Variants in THSD7B observed in about 807,000 individuals in gnomAD.
THSD7B encodes the protein thrombospondin type 1 domain containing 7B.
Under a neutral mutation model 213.6 loss-of-function variants are expected in THSD7B, and 138 were observed. The ratio of observed to expected loss-of-function variants is 0.65; its 90% CI spans 0.56 to 0.74. The LOEUF (loss-of-function observed/expected upper bound fraction) is 0.74. Among genes scored for constraint, THSD7B ranks in the 30% least tolerant of loss-of-function variants. The pLI is 0.00. For missense variants in THSD7B, 1,931 were observed against 1,991.5 expected, an observed-to-expected ratio of 0.97 and a Z score of 0.58; for synonymous variants, 742 against 687.0, an observed-to-expected ratio of 1.08 and a Z score of -1.25.
chr2:137,533,256 C>T (rs1680433462), intron 15 of THSD7B, among the ~76,000 whole-genome samples: 2 of 151,744 alleles, frequency 1.3e-5, no homozygotes, highest in Admixed American at 6.6e-5. Flanking sequence ...TTCCAGTTCT[C>T]TATAACGTGC....
intron 10 of THSD7B, among the ~76,000 whole-genome samples, chr2:137,265,674 C>T (rs1372212624): frequency 6.6e-6 from 1 of 152,160 alleles, no homozygotes; most frequent in African/African-American, 2.4e-5. Flanking sequence ...GCAGTGCAGT[C>T]CGTCTACCTT....
At chr2:136,909,704 T>A (rs540789759) in intron 2 of THSD7B, among the ~76,000 whole-genome samples, 1 of 152,340 alleles carries the variant, frequency 6.6e-6, no homozygotes, top group East Asian at 1.9e-4. Flanking sequence ...AATGAGGTTG[T>A]TAATCGAGGG....
intron 12 of THSD7B, among the ~76,000 whole-genome samples, chr2:137,318,132 C>T (rs760333991): frequency 4.6e-5 from 7 of 152,140 alleles, no homozygotes; most frequent in Non-Finnish European, 7.4e-5. Context: ...GACCTACTTT[C>T]GCACATAATT....
Position 137,364,893 on chromosome 2 carries a change from T to C in THSD7B, c.2501-40720T>C, listed in dbSNP as rs560022450. 2.0e-5 allele frequency among the ~76,000 whole-genome samples: 3 copies of C among 152,308 alleles called. No homozygotes were observed. In the South Asian group the frequency reaches 6.2e-4, roughly 32 times the overall value. On this transcript the variant is annotated intron_variant, in intron 12 of 27. Coordinates refer to ENST00000409968, the MANE Select transcript of THSD7B (RefSeq NM_001316349.2). ...TTCACAAAATTGGAAAAAACTACTT[T>C]AAAGTTCACATGGAACCAAAAAACA...
chr2:136,961,344 C>A (rs1685215372), intron 2 of THSD7B, among the ~76,000 whole-genome samples: 1 of 150,974 alleles, frequency 6.6e-6, no homozygotes, highest in Non-Finnish European at 1.5e-5. Context: ...CCTCAGCCTC[C>A]CGAGTAGCTG....
At position 137,094,949 on chromosome 2, in the gene THSD7B, T is replaced by A; in HGVS notation, c.1027T>A (p.Ser343Thr). The change falls in exon 4 of 28, where the codon TCC becomes ACC. Residue 343 changes from serine (S) to threonine (T), a missense_variant. Ser to Thr is a moderately conservative substitution (Grantham distance 58). Coordinates refer to ENST00000409968, the MANE Select transcript of THSD7B (RefSeq NM_001316349.2). Reference protein sequence around the residue: ...MPKDCETSQWSSWSPCSKTCR... With the variant: ...MPKDCETSQWTSWSPCSKTCR... ...CAAAGACTGTGAAACCTCCCAGTGGTCCTCCTGGAGCCCCTGCTCCAAGAC... is the reference window on the plus strand; with the variant it reads ...CAAAGACTGTGAAACCTCCCAGTGGACCTCCTGGAGCCCCTGCTCCAAGAC... 6.2e-7 allele frequency: 1 copy of A among 1,613,878 alleles called. No homozygotes were observed. The highest frequency in any genetic ancestry group is 8.5e-7 in the Non-Finnish European group (1 of 1,179,844).
At chr2:137,201,294 C>T (rs10153866) in intron 7 of THSD7B, among the ~76,000 whole-genome samples, 90,256 of 151,962 alleles carry the variant, frequency 0.59, 27,208 homozygotes, top group South Asian at 0.71. Context: ...TGTGTGCACA[C>T]GCACCACATT....
At chr2:137,028,423 T>C (rs1686594447) in intron 2 of THSD7B, among the ~76,000 whole-genome samples, 2 of 152,208 alleles carry the variant, frequency 1.3e-5, no homozygotes, top group Admixed American at 6.5e-5. Context: ...CTTAATAAAA[T>C]ATGTCACTTA....
intron 17 of THSD7B, among the ~76,000 whole-genome samples, chr2:137,593,675 G>A (rs1215854913): frequency 4.0e-5 from 6 of 151,778 alleles, no homozygotes; most frequent in Non-Finnish European, 8.8e-5. Flanking sequence ...GATGTAAGTC[G>A]TCTGTCAGAT....
intron 12 of THSD7B, among the ~76,000 whole-genome samples, chr2:137,289,185 G>A (rs1027252368): frequency 2.2e-4 from 34 of 151,790 alleles, no homozygotes; most frequent in African/African-American, 7.3e-4. Context: ...TTTAAAGTAA[G>A]TGAGTGGAAA....
At chr2:136,909,767 C>T (rs499067) in intron 2 of THSD7B, among the ~76,000 whole-genome samples, 63,122 of 152,102 alleles carry the variant, frequency 0.41, 15,050 homozygotes, top group Non-Finnish European at 0.55. Flanking sequence ...GTACAATCCA[C>T]ACGATGCTTC....
At chr2:136,897,838 C>T (rs900683883) in intron 2 of THSD7B, among the ~76,000 whole-genome samples, 1 of 151,976 alleles carries the variant, frequency 6.6e-6, no homozygotes, top group East Asian at 1.9e-4. Context: ...ACACAGAACG[C>T]TGTTTGGTGC....
At chr2:137,061,925 A>G (rs1687281462) in intron 3 of THSD7B, among the ~76,000 whole-genome samples, 1 of 151,818 alleles carries the variant, frequency 6.6e-6, no homozygotes, top group South Asian at 2.1e-4. Context: ...ATTGTTGAGA[A>G]TTGGTATAAT....
chr2:137,163,269 AG>A (rs546936135), intron 6 of THSD7B, among the ~76,000 whole-genome samples: 95 of 152,174 alleles, frequency 6.2e-4, no homozygotes, highest in Non-Finnish European at 1.2e-3. Flanking sequence ...GCCCCCAAAA[AG>A]ATGTGTTCAA....
chr2:137,014,968 G>A (rs1686309895), intron 2 of THSD7B, among the ~76,000 whole-genome samples: 1 of 152,026 alleles, frequency 6.6e-6, no homozygotes, highest in African/African-American at 2.4e-5. Flanking sequence ...TCTGGTCTCA[G>A]CTTTCTCCTC....
At chr2:137,278,206 G>T (rs925697415) in intron 12 of THSD7B, among the ~76,000 whole-genome samples, 1 of 152,028 alleles carries the variant, frequency 6.6e-6, no homozygotes, top group Non-Finnish European at 1.5e-5. Context: ...TCATTAAGGA[G>T]CCAAAATGAT....
intron 12 of THSD7B, among the ~76,000 whole-genome samples, chr2:137,317,653 G>T (rs1684154742): frequency 6.6e-6 from 1 of 152,146 alleles, no homozygotes; most frequent in African/African-American, 2.4e-5. Context: ...ATATAATTAT[G>T]CCTATAATCC....
At chr2:137,432,655 A>G (rs1687210979) in intron 14 of THSD7B, among the ~76,000 whole-genome samples, 1 of 152,166 alleles carries the variant, frequency 6.6e-6, no homozygotes, top group Non-Finnish European at 1.5e-5. Context: ...TTTCAACCAC[A>G]CATTTCATGT....
intron 1 of THSD7B, among the ~76,000 whole-genome samples, chr2:136,845,282 G>A (rs1399027061): frequency 6.6e-6 from 1 of 152,204 alleles, no homozygotes; most frequent in Non-Finnish European, 1.5e-5. Flanking sequence ...GACATGAAGA[G>A]CTCAATCAAA....
Sources: allele counts gnomAD v4.1 joint callset (sites outside exome capture counted in the v4.1 genomes callset), GRCh38; gene constraint gnomAD v4.1.1; transcripts MANE v1.5; gene names NCBI Gene and HGNC (gene_info 2026-07-23, HGNC 2026-07-21).